ESYT2: variants seen among roughly 807,000 people sequenced by gnomAD.
ESYT2 encodes extended synaptotagmin-2.
A neutral mutation model predicts 107.2 loss-of-function variants in ESYT2; 54 were observed. That is an observed-to-expected ratio of 0.50 (90% CI 0.40 to 0.63). ESYT2 has a LOEUF of 0.63. Among genes scored for constraint, ESYT2 ranks in the 30% least tolerant of loss-of-function variants. ESYT2 has a pLI of 0.00. For missense variants in ESYT2, 1,020 were observed against 1,094.5 expected (o/e 0.93, Z 0.96); for synonymous variants, 491 against 434.1 (o/e 1.13, Z -1.63).
chr7:158,735,897 G>A (rs1355951798), intron 20 of ESYT2, among the ~76,000 whole-genome samples: 1 of 152,102 alleles, frequency 6.6e-6, no homozygotes, highest in East Asian at 1.9e-4. Flanking sequence ...CAACATGTCT[G>A]ACTCTTCCAG....
At position 158,829,133 on chromosome 7, in the gene ESYT2, GCTC is replaced by G. The variant is rs1320159646; in HGVS notation, c.283_285del (p.Glu95del). On this transcript the variant is annotated inframe_deletion, in exon 1 of 23. Coordinates refer to ENST00000275418, the MANE Select transcript of ESYT2 (RefSeq NM_001367773.1). ...GCGCGCACCCCCAGGCGCACGACGC[GCTC>G]CTCGTCTTCCAGCAGCGCCAGCGCG... 2 of 1,572,140 alleles carry G rather than the reference GCTC, an allele frequency of 1.3e-6. No homozygotes were observed. Among genetic ancestry groups the G allele is most frequent in the Non-Finnish European group, 8.6e-7 (1 of 1,168,356 alleles).
chr7:158,753,599 ATTTTTT>A (rs775077906), intron 13 of ESYT2, among the ~76,000 whole-genome samples: 1 of 132,824 alleles, frequency 7.5e-6, no homozygotes, highest in Non-Finnish European at 1.6e-5. Context: ...TAAATGTTTA[ATTTTTT>A]TTTTTTTTTT....
At chr7:158,792,918 A>G (rs1469505202) in intron 4 of ESYT2, among the ~76,000 whole-genome samples, 2 of 151,450 alleles carry the variant, frequency 1.3e-5, no homozygotes, top group African/African-American at 2.4e-5. Flanking sequence ...ACAGGCGCCC[A>G]CCACCACGCC....
In ESYT2 at chr7:158,804,141, C is replaced by A. The variant is rs373880886; in HGVS notation, c.331-5069G>T. ...CCAAACCGTCGAGAAGGGTGAGGCG[C>A]GCGACAAACCCAAACCGTCGAGAAG... On this transcript the variant is annotated intron_variant, in intron 1 of 22. Transcript: ENST00000275418. 2.6e-3 allele frequency among the ~76,000 whole-genome samples: 91 copies of A among 35,528 alleles called. No individual in the cohort carries two copies. In the East Asian group the frequency reaches 0.043, roughly 17 times the overall value. 23.3% of individuals were successfully genotyped at this position (35,528 alleles called of 152,430 possible). A position where few individuals can be genotyped will look rare whatever the true frequency, so the allele number is the denominator to read the frequency against.
intron 1 of ESYT2, among the ~76,000 whole-genome samples, chr7:158,820,428 T>C (rs1027982898): frequency 1.3e-5 from 2 of 152,220 alleles, no homozygotes; most frequent in Non-Finnish European, 2.9e-5. Flanking sequence ...ATTTAGCACA[T>C]TCTACAATGT....
At chr7:158,823,917 T>C (rs1259055418) in intron 1 of ESYT2, among the ~76,000 whole-genome samples, 1 of 152,234 alleles carries the variant, frequency 6.6e-6, no homozygotes, top group East Asian at 1.9e-4. Flanking sequence ...ATATAAACTA[T>C]TTATATTTCA....
At chr7:158,742,382 C>A (rs1482672713) in intron 17 of ESYT2, among the ~76,000 whole-genome samples, 2 of 152,222 alleles carry the variant, frequency 1.3e-5, no homozygotes, top group East Asian at 3.8e-4. Context: ...GCAAGGAGCC[C>A]CCCATAACAC....
At chr7:158,806,708 AATT>A (rs1427205322) in intron 1 of ESYT2, among the ~76,000 whole-genome samples, 1 of 152,230 alleles carries the variant, frequency 6.6e-6, no homozygotes, top group Non-Finnish European at 1.5e-5. Context: ...AAGGTCACAC[AATT>A]ATTTCATAAT....
At chr7:158,768,288 A>T (rs1423399028) in intron 7 of ESYT2, among the ~76,000 whole-genome samples, 1 of 152,222 alleles carries the variant, frequency 6.6e-6, no homozygotes, top group Non-Finnish European at 1.5e-5. Flanking sequence ...CCACTGAAGG[A>T]GAACTTACTT....
intron 1 of ESYT2, among the ~76,000 whole-genome samples, chr7:158,820,647 G>A (rs980494637): frequency 6.6e-6 from 1 of 152,130 alleles, no homozygotes; most frequent in Non-Finnish European, 1.5e-5. Flanking sequence ...TTAGTGAGAC[G>A]TGGTGGCGCA....
At chr7:158,750,333 A>T (rs1449662226) in intron 14 of ESYT2, among the ~76,000 whole-genome samples, 1 of 152,146 alleles carries the variant, frequency 6.6e-6, no homozygotes, top group Non-Finnish European at 1.5e-5. Context: ...ACTAGGAAAA[A>T]CGGTAAGAAG....
chr7:158,752,112 C>T (rs1411250208), intron 14 of ESYT2, among the ~76,000 whole-genome samples: 2 of 152,136 alleles, frequency 1.3e-5, no homozygotes, highest in Non-Finnish European at 2.9e-5. Flanking sequence ...TAAATAATTT[C>T]ATTTAAAATT....
rs772085592 is a variant in ESYT2, at chr7:158,781,924, GAA to G, written c.747+6078_747+6079del. Among the ~76,000 whole-genome samples, 227 of 151,536 alleles carry G rather than the reference GAA, an allele frequency of 1.5e-3. 4 individuals are homozygous for G. The highest frequency in any genetic ancestry group is 4.7e-3 in the African/African-American group (193 of 41,260). On this transcript the variant is annotated intron_variant, in intron 6 of 22. Coordinates refer to ENST00000275418, the MANE Select transcript of ESYT2 (RefSeq NM_001367773.1). Reference sequence around the variant, plus strand: ...GTGAGTGAACGACAGAACAAAGTGTGAAAGGTATGAGTGTAAGAACGAGAACA... The same window carrying G: ...GTGAGTGAACGACAGAACAAAGTGTGAGGTATGAGTGTAAGAACGAGAACA...
At position 158,733,898 on chromosome 7, in the gene ESYT2, G is replaced by A; in HGVS notation, c.*309C>T. The stretch of plus-strand genomic sequence containing the variant: ...TATACCTCAGTGATATATAAACAAG[G>A]CCATAATAAAGCACAGACACATCCG... On this transcript the variant is annotated 3_prime_UTR_variant, in exon 23 of 23. Transcript: ENST00000275418. The A allele has an allele frequency of 3.0e-6, 1 of 338,262 alleles. No individual in the cohort carries two copies. Among genetic ancestry groups the A allele is most frequent in the East Asian group, 6.7e-5 (1 of 14,998 alleles). 21.0% of individuals were successfully genotyped at this position (338,262 alleles called of 1,614,324 possible). A position where few individuals can be genotyped will look rare whatever the true frequency, so the allele number is the denominator to read the frequency against.
chr7:158,768,350 T>A (rs1838236389), intron 7 of ESYT2, among the ~76,000 whole-genome samples: 1 of 152,226 alleles, frequency 6.6e-6, no homozygotes. Context: ...ACATTAATAA[T>A]TTTTGAAATA....
chr7:158,811,630 T>C (rs1839996322), intron 1 of ESYT2, among the ~76,000 whole-genome samples: 1 of 152,100 alleles, frequency 6.6e-6, no homozygotes. Context: ...ACTGGAAACA[T>C]TGCAGGATTC....
rs2788501 is a variant in ESYT2, at chr7:158,797,821, T to A, written c.507+121A>T. 1,269,196 of 1,350,824 alleles carry A rather than the reference T, an allele frequency of 0.94. 596,641 individuals are homozygous for A. The highest frequency in any genetic ancestry group is 0.95 in the Middle Eastern group (4,296 of 4,500). 83.7% of individuals were successfully genotyped at this position (1,350,824 alleles called of 1,614,324 possible). A position where few individuals can be genotyped will look rare whatever the true frequency, so the allele number is the denominator to read the frequency against. On this transcript the variant is annotated intron_variant, in intron 3 of 22. Coordinates refer to ENST00000275418, the MANE Select transcript of ESYT2 (RefSeq NM_001367773.1). ...GTGAGCCAAGATAGTGCCACTGCAC[T>A]CCAGCCTGGGCAACAGAGCGAGACT...
At chr7:158,789,879 CAT>C (rs1240968534) in intron 4 of ESYT2, among the ~76,000 whole-genome samples, 2 of 152,172 alleles carry the variant, frequency 1.3e-5, no homozygotes, top group Non-Finnish European at 2.9e-5. Flanking sequence ...GGATACTTGG[CAT>C]ATGTTATGGC....
At chr7:158,807,906 C>G (rs1187785599) in intron 1 of ESYT2, among the ~76,000 whole-genome samples, 1 of 152,218 alleles carries the variant, frequency 6.6e-6, no homozygotes, top group Non-Finnish European at 1.5e-5. Flanking sequence ...AGGCTATGAG[C>G]TGAGGCTTGC....
Sources: gnomAD v4.1 joint callset for allele counts (sites outside exome capture counted in the v4.1 genomes callset) on GRCh38, gnomAD v4.1.1 for gene constraint, MANE v1.5 for transcripts, NCBI Gene and HGNC (gene_info 2026-07-23, HGNC 2026-07-21) for gene names.